Variants in ANXA10 observed in about 807,000 individuals in gnomAD.
ANXA10 encodes annexin A10.
In ANXA10, 49 loss-of-function variants were observed where a neutral mutation model predicts 53.5. That is an observed-to-expected ratio of 0.92 (90% CI 0.73 to 1.16). The LOEUF (loss-of-function observed/expected upper bound fraction) is 1.16. Among genes scored for constraint, ANXA10 ranks in the 50% most tolerant of loss-of-function variants. The probability of loss-of-function intolerance (pLI) is 0.00; values close to 1 mark genes in which losing one functional copy is unlikely to be tolerated. For missense variants in ANXA10, 393 were observed against 394.4 expected (o/e 1.00, Z 0.03); for synonymous variants, 131 against 128.9 (o/e 1.02, Z -0.11).
chr4:168,179,102 C>A, intron 8 of ANXA10, 115 bp from the exon 9 acceptor site: 1 of 654,792 alleles, frequency 1.5e-6, no homozygotes, highest in Non-Finnish European at 2.6e-6. Flanking sequence ...GAATTGATAA[C>A]AGTAGTACTT....
At chr4:168,099,894 A>G (rs1730613486) in intron 1 of ANXA10, among the ~76,000 whole-genome samples, 2 of 152,144 alleles carry the variant, frequency 1.3e-5, no homozygotes, top group African/African-American at 4.8e-5. Context: ...TGGGTTACAT[A>G]TAAACTGTCT....
chr4:168,175,744 C>T (rs1034734971), intron 6 of ANXA10, among the ~76,000 whole-genome samples: 2 of 152,210 alleles, frequency 1.3e-5, no homozygotes, highest in Non-Finnish European at 2.9e-5. Flanking sequence ...AGAAATGTGA[C>T]TGACAAACTC....
rs114452799 is a variant in ANXA10 at position 168,156,921 on chromosome 4, C to T, written c.196-5607C>T. 2.0e-3 allele frequency among the ~76,000 whole-genome samples: 299 copies of T among 152,176 alleles called. 1 individual carries two copies. The highest frequency in any genetic ancestry group is 7.1e-3 in the African/African-American group (293 of 41,510). ...TAATTTTACAAACTCTTCCTCTTAC[C>T]TAGGATTCTCATGTCACCTCTATCC... On this transcript the variant is annotated intron_variant, in intron 3 of 11. Transcript: ENST00000359299.
At chr4:168,182,242 A>T (rs947550761) in intron 10 of ANXA10, among the ~76,000 whole-genome samples, 1 of 148,934 alleles carries the variant, frequency 6.7e-6, no homozygotes, top group African/African-American at 2.5e-5. Context: ...TAAACTCTAA[A>T]TCTATTTTTG....
At chr4:168,141,641 C>A (rs1187017807) in intron 3 of ANXA10, among the ~76,000 whole-genome samples, 1 of 152,124 alleles carries the variant, frequency 6.6e-6, no homozygotes. Context: ...TCAAAGACAG[C>A]AGAAATCTTT....
intron 2 of ANXA10, 39 bp from the exon 3 acceptor site, chr4:168,139,447 T>C: frequency 6.4e-7 from 1 of 1,562,474 alleles, no homozygotes. Context: ...AACTACAAAG[T>C]AGCAACTTTA....
At chr4:168,122,549 T>C (rs1352372498) in intron 1 of ANXA10, among the ~76,000 whole-genome samples, 1 of 152,162 alleles carries the variant, frequency 6.6e-6, no homozygotes, top group East Asian at 1.9e-4. Flanking sequence ...GAGTAATTTA[T>C]AAGGAAAAGA....
intron 6 of ANXA10, among the ~76,000 whole-genome samples, chr4:168,168,111 T>A (rs2604059): frequency 0.59 from 89,351 of 151,962 alleles, 27,177 homozygotes; most frequent in African/African-American, 0.71. Flanking sequence ...CAGGAAGACC[T>A]GAACAGGTGC....
chr4:168,128,806 G>A (rs925034868), intron 2 of ANXA10, among the ~76,000 whole-genome samples: 19 of 151,854 alleles, frequency 1.3e-4, no homozygotes, highest in African/African-American at 4.6e-4. Flanking sequence ...GCTTATGTTT[G>A]TCTCACCTGC....
At chr4:168,133,671 A>C (rs1447751524) in intron 2 of ANXA10, among the ~76,000 whole-genome samples, 1 of 152,100 alleles carries the variant, frequency 6.6e-6, no homozygotes, top group Non-Finnish European at 1.5e-5. Flanking sequence ...AACATAATGC[A>C]AATGACATTT....
Position 168,139,385 on chromosome 4 carries a change from CA to C in ANXA10, c.101-100del, listed in dbSNP as rs1365001861. 2.3e-5 allele frequency: 19 copies of C among 821,644 alleles called. No homozygotes were observed. The East Asian group carries it at 5.2e-4, about 22-fold the overall frequency. 50.9% of individuals were successfully genotyped at this position (821,644 alleles called of 1,614,324 possible). A position where few individuals can be genotyped will look rare whatever the true frequency, so the allele number is the denominator to read the frequency against. The stretch of plus-strand genomic sequence containing the variant: ...ATTGTTCCCTGCTGTAAAATACCAT[CA>C]GGGATAATGCGTGCATACTGGTTAT... On this transcript the variant is annotated intron_variant, in intron 2 of 11. Coordinates refer to ENST00000359299, the MANE Select transcript of ANXA10 (RefSeq NM_007193.5).
chr4:168,157,270 T>A (rs769494191), intron 3 of ANXA10, among the ~76,000 whole-genome samples: 18 of 130,426 alleles, frequency 1.4e-4, no homozygotes, highest in Non-Finnish European at 2.7e-4. Flanking sequence ...TTTCTTTATA[T>A]TTTTTTTTCT....
chr4:168,116,371 GTCT>G (rs929535542), intron 1 of ANXA10, among the ~76,000 whole-genome samples: 1 of 152,164 alleles, frequency 6.6e-6, no homozygotes, highest in Non-Finnish European at 1.5e-5. Context: ...TATTCCATTT[GTCT>G]TCTTCTGAAT....
chr4:168,182,698 A>G (rs994963699), intron 10 of ANXA10, among the ~76,000 whole-genome samples: 2 of 149,446 alleles, frequency 1.3e-5, no homozygotes, highest in Non-Finnish European at 3.0e-5. Flanking sequence ...CTCCTTATCC[A>G]TATCTACATG....
chr4:168,137,751 T>C (rs1731260982), intron 2 of ANXA10, among the ~76,000 whole-genome samples: 1 of 152,172 alleles, frequency 6.6e-6, no homozygotes, highest in Non-Finnish European at 1.5e-5. Context: ...AACATATAGA[T>C]GCAAATATCT....
rs1290157539 is a variant in ANXA10 at position 168,181,053 on chromosome 4, CAAT to C, written c.725-617_725-615del. ...GGGAGCTATATCAAATTCAATCCTA[CAAT>C]AATAATAATAATCTATAATAGTGTT... On this transcript the variant is annotated intron_variant, in intron 9 of 11. Transcript: ENST00000359299. 5.9e-5 allele frequency among the ~76,000 whole-genome samples: 9 copies of C among 152,032 alleles called. No individual in the cohort carries two copies. In the East Asian group the frequency reaches 7.7e-4, roughly 13 times the overall value.
intron 6 of ANXA10, among the ~76,000 whole-genome samples, chr4:168,168,690 A>T (rs754398573): frequency 2.6e-5 from 4 of 152,204 alleles, no homozygotes; most frequent in African/African-American, 4.8e-5. Context: ...AAGTGCTGGG[A>T]TTACAGGCGT....
At chr4:168,161,376 G>A (rs1731780185) in intron 3 of ANXA10, among the ~76,000 whole-genome samples, 1 of 152,086 alleles carries the variant, frequency 6.6e-6, no homozygotes, top group South Asian at 2.1e-4. Flanking sequence ...TTGTAGCTAT[G>A]TGGTCTTATT....
intron 2 of ANXA10, among the ~76,000 whole-genome samples, 177 bp downstream of exon 2, chr4:168,128,342 CAAT>C (rs1159640668): frequency 6.7e-6 from 1 of 149,450 alleles, no homozygotes; most frequent in African/African-American, 2.5e-5. Context: ...TATAAAAAGA[CAAT>C]AATGATGAAC....
Sources: allele counts gnomAD v4.1 joint callset (sites outside exome capture counted in the v4.1 genomes callset), GRCh38; gene constraint gnomAD v4.1.1; transcripts MANE v1.5; gene names NCBI Gene and HGNC (gene_info 2026-07-23, HGNC 2026-07-21).